Variants in NOVA1 observed in about 807,000 individuals in gnomAD.
NOVA1 encodes the protein NOVA alternative splicing regulator 1.
Under a neutral mutation model 38.0 loss-of-function variants are expected in NOVA1, and 7 were observed. The ratio of observed to expected loss-of-function variants is 0.18; its 90% CI spans 0.10 to 0.35. The LOEUF (loss-of-function observed/expected upper bound fraction) is 0.35, where lower values mean the gene tolerates loss of function less well. NOVA1 is among the 10% of genes least tolerant of loss of function. The pLI, the probability that NOVA1 is intolerant of heterozygous loss-of-function variation, is 1.00. For missense variants in NOVA1, 460 were observed against 616.0 expected (o/e 0.75, Z 2.68); for synonymous variants, 270 against 232.5 (o/e 1.16, Z -1.47).
chr14:26,479,520 T>TA, intron 3 of NOVA1: 1 of 156,110 alleles, frequency 6.4e-6, no homozygotes. Flanking sequence ...ATTTTTTTGA[T>TA]AAAAAATGAG....
intron 2 of NOVA1, among the ~76,000 whole-genome samples, chr14:26,535,369 C>T (rs1017297836): frequency 6.6e-6 from 1 of 151,834 alleles, no homozygotes; most frequent in African/African-American, 2.4e-5. Flanking sequence ...GATAAAGTGG[C>T]AAAATAATTT....
intron 2 of NOVA1, among the ~76,000 whole-genome samples, chr14:26,532,155 TC>T (rs1380875226): frequency 2.0e-5 from 3 of 152,274 alleles, no homozygotes; most frequent in East Asian, 3.9e-4. Flanking sequence ...AGTTGAATAT[TC>T]CATATGACTC....
At chr14:26,468,796 C>T (rs1216696513) in intron 4 of NOVA1, among the ~76,000 whole-genome samples, 2 of 152,038 alleles carry the variant, frequency 1.3e-5, no homozygotes, top group Admixed American at 1.3e-4. Context: ...TTGATAAATG[C>T]TTATAATTTC....
At chr14:26,569,950 G>A (rs1049731568) in intron 2 of NOVA1, among the ~76,000 whole-genome samples, 16 of 138,596 alleles carry the variant, frequency 1.2e-4, no homozygotes, top group African/African-American at 5.4e-4. Context: ...TTTGCTAGAT[G>A]ATAATTCTGT....
rs911586761 is a variant in NOVA1 at position 26,592,400 on chromosome 14, GA to G, written c.280+3009del. Among the ~76,000 whole-genome samples the G allele has an allele frequency of 9.7e-3, 1,348 of 138,310 alleles. 19 individuals are homozygous for G. Among genetic ancestry groups the G allele is most frequent in the African/African-American group, 0.031 (1,175 of 38,082 alleles). 90.7% of individuals were successfully genotyped at this position (138,310 alleles called of 152,430 possible). A position where few individuals can be genotyped will look rare whatever the true frequency, so the allele number is the denominator to read the frequency against. The stretch of plus-strand genomic sequence containing the variant: ...AAATTGGCTTGCTCTAATCATGTAA[GA>G]AAAAAAAAAAGGTATATTCCTAAAC... On this transcript the variant is annotated intron_variant, in intron 2 of 4. Transcript: ENST00000539517.
At chr14:26,506,869 C>T (rs1179019793) in intron 2 of NOVA1, among the ~76,000 whole-genome samples, 4 of 152,036 alleles carry the variant, frequency 2.6e-5, no homozygotes, top group African/African-American at 9.7e-5. Context: ...CATGAGCCAC[C>T]GCGCCAGGCC....
At chr14:26,479,879 A>G in intron 3 of NOVA1, 98 bp downstream of exon 3, 1 of 1,336,840 alleles carries the variant, frequency 7.5e-7, no homozygotes, top group Non-Finnish European at 1.0e-6. Context: ...ATGTGTGCTT[A>G]AAATAAAAGT....
At chr14:26,596,754 CG>C (rs1831156324) in intron 1 of NOVA1, 3 of 1,256,686 alleles carry the variant, frequency 2.4e-6, no homozygotes, top group Non-Finnish European at 3.1e-6. Flanking sequence ...ATATTTGCAC[CG>C]ACAATCTAAG....
At chr14:26,477,929 T>C (rs1490314521) in intron 3 of NOVA1, among the ~76,000 whole-genome samples, 1 of 152,024 alleles carries the variant, frequency 6.6e-6, no homozygotes, top group African/African-American at 2.4e-5. Flanking sequence ...ATACAATGTC[T>C]TATTAGATTT....
At chr14:26,551,420 T>C (rs147377026) in intron 2 of NOVA1, among the ~76,000 whole-genome samples, 17 of 152,234 alleles carry the variant, frequency 1.1e-4, no homozygotes, top group African/African-American at 3.1e-4. Flanking sequence ...CTTTGTTTAC[T>C]GCTACGTAAT....
intron 2 of NOVA1, among the ~76,000 whole-genome samples, chr14:26,575,766 T>C (rs891520818): frequency 2.6e-5 from 4 of 152,004 alleles, no homozygotes; most frequent in Admixed American, 2.0e-4. Flanking sequence ...AAGTCAAAAT[T>C]GTTATTATAT....
At chr14:26,536,761 T>C (rs966015516) in intron 2 of NOVA1, among the ~76,000 whole-genome samples, 2 of 152,126 alleles carry the variant, frequency 1.3e-5, no homozygotes. Flanking sequence ...CTTTACTATG[T>C]AAAAATTTTT....
chr14:26,466,984 C>A (rs1312289465), intron 4 of NOVA1, among the ~76,000 whole-genome samples: 1 of 152,148 alleles, frequency 6.6e-6, no homozygotes, highest in Non-Finnish European at 1.5e-5. Flanking sequence ...TATTCTGTTA[C>A]AGCAGCACAA....
intron 2 of NOVA1, among the ~76,000 whole-genome samples, chr14:26,520,141 T>A (rs539082015): frequency 2.2e-4 from 33 of 152,380 alleles, no homozygotes; most frequent in South Asian, 4.1e-4. Flanking sequence ...CTTGTAAATA[T>A]GCCTGTGTGA....
intron 2 of NOVA1, among the ~76,000 whole-genome samples, chr14:26,496,394 C>T (rs1323393080): frequency 1.3e-5 from 2 of 152,060 alleles, no homozygotes; most frequent in South Asian, 2.1e-4. Context: ...TGGATATTAG[C>T]CCTTTGTCAG....
At chr14:26,506,332 T>C (rs189509477) in intron 2 of NOVA1, among the ~76,000 whole-genome samples, 1,537 of 152,282 alleles carry the variant, frequency 0.01, 16 homozygotes, top group South Asian at 0.032. Flanking sequence ...GTGGTATTGC[T>C]TGGATCTGGA....
chr14:26,446,772 T>C lies in NOVA1; in HGVS notation c.*1187A>G, dbSNP rs1882112766. ...GACCTGTCAAAAAGCCTGACAAAGG[T>C]AGATAACACTACCTCTCAAGATAAG... is the stretch of plus-strand genomic sequence containing the variant. On this transcript the variant is annotated 3_prime_UTR_variant, in exon 5 of 5. Coordinates refer to ENST00000539517, the MANE Select transcript of NOVA1 (RefSeq NM_002515.3). 6.6e-6 allele frequency: 1 copy of C among 152,582 alleles called. No homozygotes were observed. Among genetic ancestry groups the C allele is most frequent in the East Asian group, 1.9e-4 (1 of 5,172 alleles). 9.5% of individuals were successfully genotyped at this position (152,582 alleles called of 1,614,324 possible). A position where few individuals can be genotyped will look rare whatever the true frequency, so the allele number is the denominator to read the frequency against.
chr14:26,512,172 A>T (rs1033365842), intron 2 of NOVA1, among the ~76,000 whole-genome samples: 3 of 152,222 alleles, frequency 2.0e-5, no homozygotes, highest in African/African-American at 7.2e-5. Flanking sequence ...CTCACTGAAA[A>T]GCTATATATT....
chr14:26,478,979 T>C (rs1196091538), intron 3 of NOVA1: 1 of 151,916 alleles, frequency 6.6e-6, no homozygotes, highest in African/African-American at 2.4e-5. Flanking sequence ...TTTATCTATA[T>C]ATTGGTAAAA....
Sources: allele counts gnomAD v4.1 joint callset (sites outside exome capture counted in the v4.1 genomes callset), GRCh38; gene constraint gnomAD v4.1.1; transcripts MANE v1.5; gene names NCBI Gene and HGNC (gene_info 2026-07-23, HGNC 2026-07-21).